Variants in RABGAP1L observed in about 807,000 individuals in gnomAD.
RABGAP1L encodes rab GTPase-activating protein 1-like.
RABGAP1L carries 63 observed loss-of-function variants against 137.7 expected under a neutral mutation model. The ratio of observed to expected loss-of-function variants is 0.46; its 90% CI spans 0.37 to 0.56. The LOEUF is 0.56. Among genes scored for constraint, RABGAP1L ranks in the 20% least tolerant of loss-of-function variants. The probability of loss-of-function intolerance (pLI) is 0.00; values close to 1 mark genes in which losing one functional copy is unlikely to be tolerated. For missense variants in RABGAP1L, 1,095 were observed against 1,244.0 expected, an observed-to-expected ratio of 0.88 and a Z score of 1.80; for synonymous variants, 431 against 433.7, an observed-to-expected ratio of 0.99 and a Z score of 0.08.
At chr1:174,836,505 G>C (rs1201867470) in intron 19 of RABGAP1L, among the ~76,000 whole-genome samples, 2 of 152,092 alleles carry the variant, frequency 1.3e-5, no homozygotes, top group Non-Finnish European at 2.9e-5. Context: ...TTTACACTGG[G>C]ATACAAAATA....
intron 13 of RABGAP1L, among the ~76,000 whole-genome samples, chr1:174,490,092 A>G (rs1007603160): frequency 2.0e-5 from 3 of 151,776 alleles, no homozygotes; most frequent in African/African-American, 7.3e-5. Context: ...CTGGTGCCCT[A>G]TTTAGTTTGT....
intron 19 of RABGAP1L, among the ~76,000 whole-genome samples, chr1:174,854,715 C>CTTTTTT (rs71117584): frequency 1.8e-4 from 10 of 56,860 alleles, no homozygotes; most frequent in Non-Finnish European, 2.4e-4. Flanking sequence ...AATATAAATG[C>CTTTTTT]TTTTTTTTTT....
intron 13 of RABGAP1L, among the ~76,000 whole-genome samples, chr1:174,461,820 A>T (rs940672959): frequency 6.6e-6 from 1 of 151,954 alleles, no homozygotes; most frequent in Admixed American, 6.6e-5. Flanking sequence ...CTTTAATTGA[A>T]TTTTTCCTTC....
At chr1:174,954,021 C>T (rs1046168402) in intron 19 of RABGAP1L, 1 of 152,218 alleles carries the variant, frequency 6.6e-6, no homozygotes, top group African/African-American at 2.4e-5. Context: ...ATGTTAATTA[C>T]CTAAGAGGTT....
intron 1 of RABGAP1L, among the ~76,000 whole-genome samples, chr1:174,172,593 T>A (rs1044758924): frequency 1.2e-4 from 18 of 152,224 alleles, no homozygotes; most frequent in Admixed American, 3.9e-4. Flanking sequence ...TCCCTGATAA[T>A]TAGTGATGTT....
intron 14 of RABGAP1L, among the ~76,000 whole-genome samples, chr1:174,667,392 T>C (rs760132111): frequency 6.6e-6 from 1 of 152,186 alleles, no homozygotes; most frequent in Non-Finnish European, 1.5e-5. Flanking sequence ...GGCTTTATGT[T>C]GGAACAGACT....
intron 13 of RABGAP1L, among the ~76,000 whole-genome samples, chr1:174,480,196 A>G (rs1294899262): frequency 6.6e-6 from 1 of 152,206 alleles, no homozygotes; most frequent in African/African-American, 2.4e-5. Flanking sequence ...AATTGATTCT[A>G]TAAAAAGTAT....
At chr1:174,283,655 C>T (rs1675783868) in intron 10 of RABGAP1L, among the ~76,000 whole-genome samples, 1 of 151,966 alleles carries the variant, frequency 6.6e-6, no homozygotes, top group Admixed American at 6.6e-5. Flanking sequence ...TACAGGTACC[C>T]ACCACCACGC....
rs546903600 is a variant in RABGAP1L, at chr1:174,650,628, A to G, written c.1824+13140A>G. ...TTTTCTAGTTTATTTGTGTAGAGGT[A>G]TTTGTAGTATTCTCTGATGGTAGTT... On this transcript the variant is annotated intron_variant, in intron 14 of 25. Transcript: ENST00000681986. Among the ~76,000 whole-genome samples, 1,052 of 148,024 alleles carry G rather than the reference A, an allele frequency of 7.1e-3. 42 individuals carry two copies. In the East Asian group the frequency reaches 0.12, roughly 18 times the overall value.
intron 14 of RABGAP1L, among the ~76,000 whole-genome samples, chr1:174,662,983 GTAT>G (rs1676503556): frequency 6.6e-6 from 1 of 152,178 alleles, no homozygotes; most frequent in East Asian, 1.9e-4. Flanking sequence ...TTTAAGCAAA[GTAT>G]TATTACAAAA....
rs1180456507 is a variant in RABGAP1L at position 174,699,645 on chromosome 1, A to G, written c.2020A>G (p.Met674Val). The change falls in exon 16 of 26, where the codon ATG becomes GTG. Residue 674 changes from methionine (M) to valine (V), a missense_variant. Physicochemically the swap from Met to Val is conservative, Grantham distance 21 (BLOSUM62 1). Coordinates refer to ENST00000681986, the MANE Select transcript of RABGAP1L (RefSeq NM_001366446.1). ...CAAATTCTACCAGTTGGAGAGACTA[A>G]TGCAGGTAAATAAAAATTAGGAACT... is the stretch of plus-strand genomic sequence containing the variant. ...HCKFYQLERL[M>V]QEQLPDLHSH... 1 of 1,602,130 alleles carries G rather than the reference A, an allele frequency of 6.2e-7. No individual in the cohort carries two copies. The highest frequency in any genetic ancestry group is 1.7e-5 in the Admixed American group (1 of 58,960).
chr1:174,808,993 T>C (rs1017449859), intron 18 of RABGAP1L, among the ~76,000 whole-genome samples: 9 of 152,150 alleles, frequency 5.9e-5, no homozygotes, highest in Non-Finnish European at 1.0e-4. Context: ...ATATTCCCAT[T>C]TTTTAAATGG....
intron 11 of RABGAP1L, among the ~76,000 whole-genome samples, chr1:174,342,594 G>A (rs1682067952): frequency 6.6e-6 from 1 of 152,132 alleles, no homozygotes; most frequent in South Asian, 2.1e-4. Flanking sequence ...AGAAAAATAT[G>A]TAGAATTTCT....
At chr1:174,375,940 C>T (rs1051894841) in intron 12 of RABGAP1L, among the ~76,000 whole-genome samples, 10 of 151,934 alleles carry the variant, frequency 6.6e-5, no homozygotes, top group African/African-American at 2.4e-4. Context: ...TGGTGGTGTG[C>T]ACCTGTAATC....
intron 1 of RABGAP1L, among the ~76,000 whole-genome samples, chr1:174,191,769 A>G (rs1240044014): frequency 1.3e-5 from 2 of 152,200 alleles, no homozygotes; most frequent in African/African-American, 4.8e-5. Context: ...GAATAATGCT[A>G]GAAGATGCTT....
At chr1:174,262,219 A>G (rs1385165036) in intron 7 of RABGAP1L, among the ~76,000 whole-genome samples, 11 of 152,220 alleles carry the variant, frequency 7.2e-5, no homozygotes, top group Non-Finnish European at 1.3e-4. Context: ...TTTGAACTGA[A>G]ACTTGTAATC....
At chr1:174,441,026 TATTG>T (rs1396744161) in intron 13 of RABGAP1L, among the ~76,000 whole-genome samples, 1 of 150,740 alleles carries the variant, frequency 6.6e-6, no homozygotes, top group Non-Finnish European at 1.5e-5. Context: ...AATAATGAAA[TATTG>T]ATAAATATAA....
chr1:174,300,451 G>A (rs1344828516), intron 10 of RABGAP1L, among the ~76,000 whole-genome samples: 7 of 151,390 alleles, frequency 4.6e-5, no homozygotes, highest in Non-Finnish European at 1.0e-4. Context: ...CTTGAACTCG[G>A]TGGTGGGGTG....
chr1:174,693,851 A>G (rs1384066979), intron 15 of RABGAP1L, among the ~76,000 whole-genome samples: 2 of 152,226 alleles, frequency 1.3e-5, no homozygotes, highest in African/African-American at 2.4e-5. Flanking sequence ...GTTAAAGGAA[A>G]CAAGTAGGTG....
Sources: gnomAD v4.1 joint callset for allele counts (sites outside exome capture counted in the v4.1 genomes callset) on GRCh38, gnomAD v4.1.1 for gene constraint, MANE v1.5 for transcripts, NCBI Gene and HGNC (gene_info 2026-07-23, HGNC 2026-07-21) for gene names.